The following UBE2K variants were observed in gnomAD, a reference collection of about 807,000 sequenced individuals.
The protein encoded by UBE2K is ubiquitin conjugating enzyme E2 K.
UBE2K carries 6 observed loss-of-function variants against 30.0 expected under a neutral mutation model. The ratio of observed to expected loss-of-function variants is 0.20; its 90% confidence interval spans 0.11 to 0.39. UBE2K has a LOEUF of 0.39. UBE2K is among the 10% of genes least tolerant of loss of function. The probability of loss-of-function intolerance (pLI) is 1.00; values close to 1 mark genes in which losing one functional copy is unlikely to be tolerated. For synonymous variants in UBE2K, 86 were observed against 83.7 expected (o/e 1.03, Z -0.15); for missense variants, 61 against 241.6 (o/e 0.25, Z 4.96).
intron 1 of UBE2K, among the ~76,000 whole-genome samples, chr4:39,712,633 G>A (rs1483784393): frequency 6.6e-6 from 1 of 151,854 alleles, no homozygotes; most frequent in East Asian, 1.9e-4. Flanking sequence ...TGTTGGTCAG[G>A]CTGGTCTTGA....
rs1159267080 is a variant in UBE2K, at chr4:39,778,555, T to TATAG, written c.*122_*123insTAGA. 8.6e-6 allele frequency: 5 copies of TATAG among 579,002 alleles called. No individual in the cohort carries two copies. The highest frequency in any genetic ancestry group is 1.5e-5 in the Non-Finnish European group (5 of 335,208). 35.9% of individuals were successfully genotyped at this position (579,002 alleles called of 1,614,324 possible). On this transcript the variant is annotated 3_prime_UTR_variant, in exon 7 of 7. Transcript: ENST00000261427. Reference sequence around the variant, plus strand: ...GGCATTCTTGCCTAATGATGTTATCTAGGCACCATTGGAGACTGAAAAAAA... The same window carrying TATAG: ...GGCATTCTTGCCTAATGATGTTATCTATAGAGGCACCATTGGAGACTGAAAAAAA...
chr4:39,727,367 G>C (rs929870261), intron 1 of UBE2K, among the ~76,000 whole-genome samples: 2 of 152,038 alleles, frequency 1.3e-5, no homozygotes, highest in African/African-American at 4.8e-5. Context: ...GGTTTCTTAT[G>C]GGGGGAGCGC....
chr4:39,745,365 C>CT (rs932943526), intron 2 of UBE2K, among the ~76,000 whole-genome samples: 30 of 149,210 alleles, frequency 2.0e-4, no homozygotes, highest in African/African-American at 5.1e-4. Flanking sequence ...TCCTTGCCTT[C>CT]TTTTTTTTTT....
chr4:39,760,176 C>G (rs79636040), intron 4 of UBE2K, among the ~76,000 whole-genome samples: 1 of 77,182 alleles, frequency 1.3e-5, no homozygotes, highest in East Asian at 3.5e-4. Context: ...GACTCTGTCA[C>G]AAAAAAAAAA....
chr4:39,760,176 C>CAAAAAAAAAAAAAAAAAAAAAA (rs71194913), intron 4 of UBE2K, among the ~76,000 whole-genome samples: 3 of 77,180 alleles, frequency 3.9e-5, no homozygotes, highest in Admixed American at 1.8e-4. Flanking sequence ...GACTCTGTCA[C>CAAAAAAAAAAAAAAAAAAAAAA]AAAAAAAAAA....
Position 39,777,286 on chromosome 4 carries a change from G to T in UBE2K, c.400-396G>T, listed in dbSNP as rs147686726. 8.3e-4 allele frequency among the ~76,000 whole-genome samples: 126 copies of T among 152,246 alleles called. 1 individual carries two copies. The highest frequency in any genetic ancestry group is 2.8e-3 in the African/African-American group (117 of 41,546). ...TGGGCTGTGGGTAATACAAAAGCTG[G>T]TTACATCGTAAAAAATTATTCTAAT... On this transcript the variant is annotated intron_variant, in intron 5 of 6. Transcript: ENST00000261427.
chr4:39,768,154 G>C (rs547753682), intron 4 of UBE2K, among the ~76,000 whole-genome samples: 12 of 151,952 alleles, frequency 7.9e-5, no homozygotes, highest in African/African-American at 2.9e-4. Context: ...AGACTAGAAA[G>C]ACGGGCCATT....
rs1371168469 is a variant in UBE2K, at chr4:39,773,312, C to CA, written c.300-1516dup. 2.6e-5 allele frequency among the ~76,000 whole-genome samples: 4 copies of CA among 151,074 alleles called. No individual in the cohort carries two copies. In the South Asian group the frequency reaches 6.3e-4, roughly 24 times the overall value. On this transcript the variant is annotated intron_variant, in intron 4 of 6. Coordinates refer to ENST00000261427, the MANE Select transcript of UBE2K (RefSeq NM_005339.5). The stretch of plus-strand genomic sequence containing the variant: ...GTGAAACCCTGTTCTACTAAAACTA[C>CA]AAAAAATTAGCCGGGCATGGTGGCA...
chr4:39,708,411 A>G (rs1718495698), intron 1 of UBE2K, among the ~76,000 whole-genome samples: 1 of 151,966 alleles, frequency 6.6e-6, no homozygotes, highest in African/African-American at 2.4e-5. Context: ...ACCCTTTTTC[A>G]TATTAAAGTA....
chr4:39,735,645 T>C (rs1442646366), intron 1 of UBE2K, among the ~76,000 whole-genome samples: 1 of 152,166 alleles, frequency 6.6e-6, no homozygotes, highest in Non-Finnish European at 1.5e-5. Flanking sequence ...CCTCCCAAAG[T>C]GCTGGGATTA....
At chr4:39,725,349 G>A (rs533386637) in intron 1 of UBE2K, among the ~76,000 whole-genome samples, 170 of 122,716 alleles carry the variant, frequency 1.4e-3, no homozygotes, top group African/African-American at 5.4e-3. Context: ...CTGCACTCCA[G>A]CCTGGGTGAC....
At chr4:39,737,047 G>A (rs1024507044) in intron 1 of UBE2K, among the ~76,000 whole-genome samples, 3 of 152,254 alleles carry the variant, frequency 2.0e-5, no homozygotes, top group Non-Finnish European at 2.9e-5. Context: ...GGGGTATAGT[G>A]CAGAATATAA....
At chr4:39,739,812 C>T (rs1353143775) in intron 2 of UBE2K, among the ~76,000 whole-genome samples, 1 of 152,194 alleles carries the variant, frequency 6.6e-6, no homozygotes, top group Non-Finnish European at 1.5e-5. Flanking sequence ...TGGTCTCAAA[C>T]CCCTGGCCTA....
chr4:39,762,512 C>T (rs1712021848), intron 4 of UBE2K, among the ~76,000 whole-genome samples: 1 of 152,188 alleles, frequency 6.6e-6, no homozygotes, highest in Non-Finnish European at 1.5e-5. Context: ...CCAACATCAG[C>T]TCAATTTCTG....
At chr4:39,732,731 A>G (rs1412602711) in intron 1 of UBE2K, among the ~76,000 whole-genome samples, 1 of 130,518 alleles carries the variant, frequency 7.7e-6, no homozygotes, top group Non-Finnish European at 1.5e-5. Flanking sequence ...GCTGGAGTGC[A>G]GTGGTGTGAT....
In UBE2K at chr4:39,757,011, G is replaced by GTTTTTTTTTTTTT. The variant is rs1354761879; in HGVS notation, c.299+1278_299+1279insTTTTTTTTTTTTT. Among the ~76,000 whole-genome samples the GTTTTTTTTTTTTT allele has an allele frequency of 2.1e-3, 162 of 76,802 alleles. 12 individuals are homozygous for GTTTTTTTTTTTTT. The highest frequency in any genetic ancestry group is 6.3e-3 in the Middle Eastern group (1 of 158). The allele number at this position is 76,802 out of a possible 152,430, so 50.4% of individuals were successfully genotyped here. A position where few individuals can be genotyped will look rare whatever the true frequency, so the allele number is the denominator to read the frequency against. ...ATGTTTTTTTGGGTGTTTTTTTTTT[G>GTTTTTTTTTTTTT]TTTTTTGTTTTTTGTTTTTTGTTTT... On this transcript the variant is annotated intron_variant, in intron 4 of 6. Transcript: ENST00000261427.
At position 39,726,751 on chromosome 4, in the gene UBE2K, A is replaced by G. The variant is rs562046618; in HGVS notation, c.64-10669A>G. On this transcript the variant is annotated intron_variant, in intron 1 of 6. Coordinates refer to ENST00000261427, the MANE Select transcript of UBE2K (RefSeq NM_005339.5). Reference sequence around the variant, plus strand: ...GCTGGGACTACAGGCGTGCACCACCACACCTGGCTAATTTTTTGTGTTTTT... The same window carrying G: ...GCTGGGACTACAGGCGTGCACCACCGCACCTGGCTAATTTTTTGTGTTTTT... 2.6e-5 allele frequency among the ~76,000 whole-genome samples: 4 copies of G among 152,010 alleles called. No individual in the cohort carries two copies. In the South Asian group the frequency reaches 8.3e-4, roughly 32 times the overall value.
chr4:39,759,235 ATACCTT>A (rs1360761315), intron 4 of UBE2K, among the ~76,000 whole-genome samples: 2 of 152,130 alleles, frequency 1.3e-5, no homozygotes, highest in African/African-American at 4.8e-5. Flanking sequence ...GGGTGATGAT[ATACCTT>A]TATTAATATT....
chr4:39,777,694 C>A lies in UBE2K; in HGVS notation c.412C>A (p.Pro138Thr). The A allele has an allele frequency of 6.4e-7, 1 of 1,560,574 alleles. No homozygotes were observed. The highest frequency in any genetic ancestry group is 2.4e-5 in the East Asian group (1 of 42,154). ...TCCCCCCATATAGTACAAACAAAATCCCGAAATGTTCAAACAGACAGCTCG... is the reference window on the plus strand; with the variant it reads ...TCCCCCCATATAGTACAAACAAAATACCGAAATGTTCAAACAGACAGCTCG... The part of the protein sequence containing the change: ...AVVANQYKQN[P>T]EMFKQTARLW... Residue 138 changes from proline (P) to threonine (T), a missense_variant, in exon 6 of 7, where the codon CCC (proline) becomes ACC (threonine). Transcript: ENST00000261427.
Sources: gnomAD v4.1 joint callset for allele counts (sites outside exome capture counted in the v4.1 genomes callset) on GRCh38, gnomAD v4.1.1 for gene constraint, MANE v1.5 for transcripts, NCBI Gene and HGNC (gene_info 2026-07-23, HGNC 2026-07-21) for gene names.